PTPRR: variants seen among roughly 807,000 people sequenced by gnomAD.
The protein encoded by PTPRR is protein tyrosine phosphatase receptor type R.
PTPRR carries 38 observed loss-of-function variants against 77.2 expected under a neutral mutation model. The observed-to-expected ratio is 0.49, with a 90% CI of 0.38 to 0.65. The LOEUF is 0.65. PTPRR is among the 30% of genes least tolerant of loss of function. PTPRR has a pLI of 0.00. For missense variants in PTPRR, 744 were observed against 799.2 expected (o/e 0.93, Z 0.83); for synonymous variants, 299 against 283.1 (o/e 1.06, Z -0.57).
chr12:70,711,040 CATATACCCAAAGGA>C (rs1888809025), intron 6 of PTPRR, among the ~76,000 whole-genome samples: 1 of 151,816 alleles, frequency 6.6e-6, no homozygotes, highest in Non-Finnish European at 1.5e-5. Flanking sequence ...CCAGCAATCC[CATATACCCAAAGGA>C]ATATAAATTG....
intron 10 of PTPRR, among the ~76,000 whole-genome samples, chr12:70,670,597 C>A (rs569051213): frequency 1.5e-4 from 23 of 152,310 alleles, no homozygotes; most frequent in Admixed American, 1.1e-3. Flanking sequence ...ATATGGTCAA[C>A]ATGTATACCT....
intron 8 of PTPRR, among the ~76,000 whole-genome samples, chr12:70,689,222 A>G (rs1051388847): frequency 6.6e-6 from 1 of 152,146 alleles, no homozygotes; most frequent in African/African-American, 2.4e-5. Context: ...GAGGTAATGG[A>G]TACATTAATA....
At position 70,754,291 on chromosome 12, in the gene PTPRR, A is replaced by G. The variant is rs778974352; in HGVS notation, c.638T>C (p.Leu213Ser). The stretch of plus-strand genomic sequence containing the variant: ...TTTGTCCGCTTCATGCTGCCCTTGT[A>G]AAACATTTTTCTTTAAAAGCAAAAC... ...ITEVSPEKNV[L>S]QGQHEADKIW... The change falls in exon 5 of 14, where the codon TTA (leucine) becomes TCA (serine). Residue 213 changes from leucine (L) to serine (S), a missense_variant. Physicochemically the swap from Leu to Ser is moderately radical, Grantham distance 145 (BLOSUM62 -2). Coordinates refer to ENST00000283228, the MANE Select transcript of PTPRR (RefSeq NM_002849.4). 2.2e-5 allele frequency: 35 copies of G among 1,613,216 alleles called. No homozygotes were observed. Among genetic ancestry groups the G allele is most frequent in the Non-Finnish European group, 3.0e-5 (35 of 1,179,734 alleles).
At chr12:70,736,078 C>A (rs1334586574) in intron 6 of PTPRR, among the ~76,000 whole-genome samples, 1 of 152,176 alleles carries the variant, frequency 6.6e-6, no homozygotes, top group African/African-American at 2.4e-5. Flanking sequence ...TGCCTTATAG[C>A]CCCCTCACTT....
At chr12:70,690,877 C>A (rs1888031614) in intron 8 of PTPRR, among the ~76,000 whole-genome samples, 1 of 152,132 alleles carries the variant, frequency 6.6e-6, no homozygotes. Context: ...TAATTCGTCT[C>A]TTTATGATTT....
At chr12:70,738,625 T>A (rs530798758) in intron 6 of PTPRR, among the ~76,000 whole-genome samples, 104 of 152,376 alleles carry the variant, frequency 6.8e-4, no homozygotes, top group African/African-American at 2.4e-3. Flanking sequence ...ATCTTTCAGA[T>A]TCATAAGTTC....
intron 2 of PTPRR, among the ~76,000 whole-genome samples, chr12:70,800,864 C>T (rs1218646979): frequency 6.6e-6 from 1 of 151,100 alleles, no homozygotes; most frequent in African/African-American, 2.4e-5. Context: ...TATTGCACTC[C>T]AGCCTGGGAG....
rs190264850 is a variant in PTPRR, at chr12:70,744,015, T to C, written c.1007+1803A>G. Among the ~76,000 whole-genome samples, 35 of 152,260 alleles carry C rather than the reference T, an allele frequency of 2.3e-4. No homozygotes were observed. The East Asian group carries it at 5.0e-3, about 22-fold the overall frequency. ...CTACTATAGATAACATGGCCTCCTA[T>C]TGCCTGCAGACCCTTTCTTGCCACC... On this transcript the variant is annotated intron_variant, in intron 6 of 13. Transcript: ENST00000283228.
intron 5 of PTPRR, among the ~76,000 whole-genome samples, chr12:70,753,275 C>T (rs7308349): frequency 0.02 from 3,026 of 152,090 alleles, 91 homozygotes; most frequent in African/African-American, 0.069. Context: ...TAAACAAAAT[C>T]CAATAAAACA....
chr12:70,728,234 C>CAT (rs1314358482), intron 6 of PTPRR, among the ~76,000 whole-genome samples: 10 of 105,420 alleles, frequency 9.5e-5, no homozygotes, highest in African/African-American at 1.9e-4. Context: ...GAATATTTGC[C>CAT]ATACATATAT....
Position 70,803,270 on chromosome 12 carries a change from C to T in PTPRR, c.358-38492G>A, listed in dbSNP as rs189319845. 2.0e-5 allele frequency among the ~76,000 whole-genome samples: 3 copies of T among 152,142 alleles called. No individual in the cohort carries two copies. In the East Asian group the frequency reaches 5.8e-4, roughly 29 times the overall value. ...TTACAGAATTTCATTTCTTTAAAACCTTCTCCTGGCCAGTAGAGTCCAGGG... is the reference window on the plus strand; with the variant it reads ...TTACAGAATTTCATTTCTTTAAAACTTTCTCCTGGCCAGTAGAGTCCAGGG... On this transcript the variant is annotated intron_variant, in intron 2 of 13. Coordinates refer to ENST00000283228, the MANE Select transcript of PTPRR (RefSeq NM_002849.4).
chr12:70,763,292 C>A (rs1423611156), intron 3 of PTPRR, among the ~76,000 whole-genome samples: 1 of 151,890 alleles, frequency 6.6e-6, no homozygotes, highest in Non-Finnish European at 1.5e-5. Flanking sequence ...CCATGCCCGG[C>A]CAATTTTTTG....
intron 1 of PTPRR, among the ~76,000 whole-genome samples, chr12:70,918,503 G>A (rs528990175): frequency 6.6e-6 from 1 of 152,192 alleles, no homozygotes; most frequent in African/African-American, 2.4e-5. Context: ...TATACCCTTT[G>A]GCAGAACTCC....
In PTPRR at chr12:70,761,504, T is replaced by C. The variant is rs777302504; in HGVS notation, c.594A>G (p.Leu198=). 1.7e-5 allele frequency: 27 copies of C among 1,609,490 alleles called. No individual in the cohort carries two copies. Among genetic ancestry groups the C allele is most frequent in the Non-Finnish European group, 2.3e-5 (27 of 1,178,352 alleles). Residue 198 remains leucine (L), a synonymous_variant, in exon 4 of 14, where the codon TTA becomes TTG. Coordinates refer to ENST00000283228, the MANE Select transcript of PTPRR (RefSeq NM_002849.4). ...SLNINVLHQS[L]SQFGITEVSP... ...AGACTTCTGTAATTCCAAACTGGGA[T>C]AAACTTTGATGCAAAACATTGATAT...
At chr12:70,823,185 C>T (rs140844710) in intron 2 of PTPRR, among the ~76,000 whole-genome samples, 198 of 149,474 alleles carry the variant, frequency 1.3e-3, no homozygotes, top group Non-Finnish European at 1.9e-3. Flanking sequence ...TGAAATAACA[C>T]GACTGGTTCT....
intron 1 of PTPRR, 81 bp downstream of exon 1, chr12:70,920,252 C>G (rs1893835792): frequency 1.4e-6 from 2 of 1,462,262 alleles, no homozygotes; most frequent in Non-Finnish European, 1.9e-6. Flanking sequence ...CTTCGCAAGG[C>G]AAGCTTTTCC....
intron 2 of PTPRR, among the ~76,000 whole-genome samples, chr12:70,871,757 C>A (rs933254992): frequency 6.6e-6 from 1 of 152,146 alleles, no homozygotes; most frequent in Non-Finnish European, 1.5e-5. Context: ...AGACTTTAAT[C>A]ATCTCTGATA....
intron 5 of PTPRR, among the ~76,000 whole-genome samples, chr12:70,748,165 AT>A (rs1333411145): frequency 6.6e-6 from 1 of 152,132 alleles, no homozygotes; most frequent in Non-Finnish European, 1.5e-5. Flanking sequence ...GGATCATAAA[AT>A]TTTTGTGGTG....
intron 1 of PTPRR, among the ~76,000 whole-genome samples, chr12:70,905,831 A>G (rs1177164227): frequency 1.3e-5 from 2 of 152,100 alleles, no homozygotes; most frequent in East Asian, 3.9e-4. Context: ...AGAGACTTGA[A>G]AAAGTGAACA....
Sources: allele counts gnomAD v4.1 joint callset (sites outside exome capture counted in the v4.1 genomes callset), GRCh38; gene constraint gnomAD v4.1.1; transcripts MANE v1.5; gene names NCBI Gene and HGNC (gene_info 2026-07-23, HGNC 2026-07-21).